Variants in MRTFB observed in about 807,000 individuals in gnomAD.
MRTFB encodes myocardin-related transcription factor B.
A neutral mutation model predicts 104.2 loss-of-function variants in MRTFB; 29 were observed. The ratio of observed to expected loss-of-function variants is 0.28; its 90% confidence interval spans 0.21 to 0.38. MRTFB has a LOEUF of 0.38. Ranked by LOEUF, MRTFB falls within the 10% of genes least tolerant of loss-of-function variation. The probability of loss-of-function intolerance (pLI) is 1.00; values close to 1 mark genes in which losing one functional copy is unlikely to be tolerated. For missense variants in MRTFB, 1,270 were observed against 1,341.6 expected (o/e 0.95, Z 0.83); for synonymous variants, 535 against 519.5 (o/e 1.03, Z -0.41).
chr16:14,065,262 A>T, the MRTFB span, among the ~76,000 whole-genome samples: 2 of 152,030 alleles, frequency 1.3e-5, no homozygotes, highest in African/African-American at 4.8e-5. Flanking sequence ...CTCAGCTTGG[A>T]TGCTATTGGT....
chr16:14,223,350 G>T (rs1451327344), intron 8 of MRTFB, among the ~76,000 whole-genome samples: 5 of 151,740 alleles, frequency 3.3e-5, no homozygotes, highest in Admixed American at 3.3e-4. Context: ...GACCATTCAG[G>T]GAACAAAATA....
chr16:14,086,546 AG>A (rs1217880200), intron 2 of MRTFB, among the ~76,000 whole-genome samples: 2 of 152,172 alleles, frequency 1.3e-5, no homozygotes, highest in African/African-American at 4.8e-5. Context: ...AAATTAATGA[AG>A]TTTTTTTAGA....
chr16:14,217,957 A>G (rs2041499555), intron 7 of MRTFB, among the ~76,000 whole-genome samples: 1 of 152,204 alleles, frequency 6.6e-6, no homozygotes, highest in South Asian at 2.1e-4. Context: ...AACAGAAAAA[A>G]TCAGGTGAGA....
intron 3 of MRTFB, chr16:14,201,048 G>C: frequency 2.7e-6 from 4 of 1,504,662 alleles, no homozygotes; most frequent in East Asian, 2.3e-5. Flanking sequence ...ACCTTTTAGA[G>C]CTTAGTCCAT....
At chr16:14,192,424 T>TG (rs1402917580) in intron 3 of MRTFB, among the ~76,000 whole-genome samples, 1 of 152,172 alleles carries the variant, frequency 6.6e-6, no homozygotes, top group Non-Finnish European at 1.5e-5. Context: ...ACAATAGGAA[T>TG]GAAAAAGTAA....
intron 3 of MRTFB, among the ~76,000 whole-genome samples, chr16:14,189,051 C>T (rs1006703051): frequency 1.3e-5 from 2 of 151,972 alleles, no homozygotes; most frequent in African/African-American, 4.8e-5. Context: ...CTAAATATTT[C>T]TCCTCATTTA....
At position 14,262,530 on chromosome 16, in the gene MRTFB, G is replaced by C. The variant is rs886212683; in HGVS notation, c.*1086G>C. On this transcript the variant is annotated 3_prime_UTR_variant, in exon 17 of 17. Coordinates refer to ENST00000571589, the MANE Select transcript of MRTFB (RefSeq NM_001308142.2). ...TACAGGTCAGATTGTGCCACAAGGT[G>C]GGCCTCCACGTCCCTGCCCTGGCCC... is the stretch of plus-strand genomic sequence containing the variant. 4.6e-5 allele frequency: 7 copies of C among 152,188 alleles called. No homozygotes were observed. The highest frequency in any genetic ancestry group is 1.0e-4 in the Non-Finnish European group (7 of 68,034). The allele number at this position is 152,188 out of a possible 1,614,324, so 9.4% of individuals were successfully genotyped here. A position where few individuals can be genotyped will look rare whatever the true frequency, so the allele number is the denominator to read the frequency against.
chr16:14,030,495 G>T, the MRTFB span, among the ~76,000 whole-genome samples: 1 of 152,150 alleles, frequency 6.6e-6, no homozygotes, highest in Non-Finnish European at 1.5e-5. Context: ...ACCATTCTGG[G>T]GGTGAAATAA....
intron 2 of MRTFB, among the ~76,000 whole-genome samples, chr16:14,124,565 G>A (rs560703899): frequency 2.6e-5 from 4 of 151,386 alleles, no homozygotes; most frequent in South Asian, 4.1e-4. Context: ...GATGGATTAC[G>A]TTTATTGATT....
the MRTFB span, among the ~76,000 whole-genome samples, chr16:14,057,760 A>G: frequency 6.6e-6 from 1 of 152,234 alleles, no homozygotes; most frequent in Non-Finnish European, 1.5e-5. Flanking sequence ...CACTCTGGAT[A>G]TGCTAAAGAT....
At chr16:14,087,280 C>T (rs757239435) in intron 2 of MRTFB, among the ~76,000 whole-genome samples, 4 of 152,116 alleles carry the variant, frequency 2.6e-5, no homozygotes, top group African/African-American at 9.7e-5. Flanking sequence ...ATGATGAGCT[C>T]AATAGTCAGT....
chr16:14,214,117 C>T (rs1020505230), intron 6 of MRTFB, among the ~76,000 whole-genome samples: 2 of 152,194 alleles, frequency 1.3e-5, no homozygotes, highest in African/African-American at 4.8e-5. Flanking sequence ...TGATCTCAGT[C>T]ATCTAACCTC....
chr16:14,205,203 C>G (rs1567455710), intron 3 of MRTFB, among the ~76,000 whole-genome samples: 1 of 152,072 alleles, frequency 6.6e-6, no homozygotes, highest in African/African-American at 2.4e-5. Context: ...TTTTATCCTA[C>G]TGTTTTCTAT....
intron 8 of MRTFB, among the ~76,000 whole-genome samples, chr16:14,233,620 TCTCTACTTAAAATACAAAA>T (rs2042361656): frequency 6.6e-6 from 1 of 151,856 alleles, no homozygotes; most frequent in Non-Finnish European, 1.5e-5. Flanking sequence ...GAAACCCGCA[TCTCTACTTAAAATACAAAA>T]ACTAGCGGAG....
At chr16:14,143,029 G>GT (rs2038091288) in intron 3 of MRTFB, 1 of 152,092 alleles carries the variant, frequency 6.6e-6, no homozygotes, top group African/African-American at 2.4e-5. Context: ...TGTGGTCAGT[G>GT]TTTTTATCAG....
At chr16:14,010,656 G>A in the MRTFB span, among the ~76,000 whole-genome samples, 6 of 151,470 alleles carry the variant, frequency 4.0e-5, no homozygotes, top group Non-Finnish European at 8.8e-5. Context: ...GAACTCCTGG[G>A]CTCAGGCAAT....
In MRTFB at chr16:14,200,481, TC is replaced by T. The variant is rs1224742796; in HGVS notation, c.155-9761del. ...CCAGTAGCATCGTTTTTCCACTTAT[TC>T]TTTCGAGTCAGTGCAATCATCGTCT... is the stretch of plus-strand genomic sequence containing the variant. On this transcript the variant is annotated intron_variant, in intron 3 of 16. Transcript: ENST00000571589. 15 of 1,610,550 alleles carry T rather than the reference TC, an allele frequency of 9.3e-6. No homozygotes were observed. In the Admixed American group the frequency reaches 2.5e-4, roughly 27 times the overall value.
Position 14,210,293 on chromosome 16 carries a change from C to G in MRTFB, c.205C>G (p.Gln69Glu), listed in dbSNP as rs1426204935. 1 of 1,612,928 alleles carries G rather than the reference C, an allele frequency of 6.2e-7. No individual in the cohort carries two copies. ...GAGGACGAGAGAACAACTAGTGGAC[C>G]AGGGCATCATGCCACGTAAGATTTA... is the stretch of plus-strand genomic sequence containing the variant. Reference protein sequence around the residue: ...QRRTREQLVDQGIMPPLKSPA... With the variant: ...QRRTREQLVDEGIMPPLKSPA... Residue 69 changes from glutamine to glutamate, a missense_variant, in exon 4 of 17, where the codon CAG becomes GAG. Coordinates refer to ENST00000571589, the MANE Select transcript of MRTFB (RefSeq NM_001308142.2).
chr16:14,018,993 C>T, the MRTFB span: 1 of 152,182 alleles, frequency 6.6e-6, no homozygotes, highest in African/African-American at 2.4e-5. Context: ...CTCTCTTAGC[C>T]TGTTGACTCA....
Sources: allele counts gnomAD v4.1 joint callset (sites outside exome capture counted in the v4.1 genomes callset), GRCh38; gene constraint gnomAD v4.1.1; transcripts MANE v1.5; gene names NCBI Gene and HGNC (gene_info 2026-07-23, HGNC 2026-07-21).